Variants in SEMA3A observed in about 807,000 individuals in gnomAD.
SEMA3A encodes semaphorin-3A.
SEMA3A carries 29 observed loss-of-function variants against 97.9 expected under a neutral mutation model. The ratio of observed to expected loss-of-function variants is 0.30; its 90% CI spans 0.22 to 0.40. SEMA3A has a LOEUF of 0.40. Ranked by LOEUF, SEMA3A falls within the 10% of genes least tolerant of loss-of-function variation. The pLI, the probability that SEMA3A is intolerant of heterozygous loss-of-function variation, is 1.00. For synonymous variants in SEMA3A, 321 were observed against 323.7 expected (o/e 0.99, Z 0.09); for missense variants, 763 against 951.3 (o/e 0.80, Z 2.60).
chr7:84,060,516 G>C lies in SEMA3A; in HGVS notation c.496C>G (p.Arg166Gly). 1 of 1,594,414 alleles carries C rather than the reference G, an allele frequency of 6.3e-7. No homozygotes were observed. Among genetic ancestry groups the C allele is most frequent in the Non-Finnish European group, 8.5e-7 (1 of 1,172,546 alleles). Residue 166 changes from arginine (R) to glycine (G), a missense_variant, in exon 5 of 17, where the codon CGT becomes GGT. Transcript: ENST00000265362. ...TTAGGGTCATATGGACTCTTCCCAC[G>C]GCCGTTTTCAAAATGTGAGTTCTCC... ...KLENSHFENG[R>G]GKSPYDPKLL... is the part of the protein sequence containing the mutation.
intron 12 of SEMA3A, among the ~76,000 whole-genome samples, chr7:83,993,297 A>T (rs1554388151): frequency 7.3e-6 from 1 of 137,816 alleles, no homozygotes; most frequent in African/African-American, 2.8e-5. Flanking sequence ...TTTTAATTGG[A>T]GCATTTAGTC....
intron 2 of SEMA3A, among the ~76,000 whole-genome samples, chr7:84,339,227 C>T (rs998022817): frequency 2.0e-5 from 3 of 152,024 alleles, no homozygotes; most frequent in African/African-American, 7.2e-5. Flanking sequence ...ATGTATAATC[C>T]TAACAAAAGT....
rs11982684 is a variant in SEMA3A, at chr7:84,082,586, T to G, written c.454-22028A>C. ...TTATGATCATGTATAAAGACACTAT[T>G]CCTTACTTTAAAAAGAAAAGGTTAT... is the stretch of plus-strand genomic sequence containing the variant. On this transcript the variant is annotated intron_variant, in intron 4 of 16. Transcript: ENST00000265362. Among the ~76,000 whole-genome samples the G allele has an allele frequency of 7.7e-3, 1,171 of 152,198 alleles. 9 individuals carry two copies. The highest frequency in any genetic ancestry group is 0.024 in the Middle Eastern group (7 of 294).
chr7:84,338,166 CAT>C (rs138584244), intron 2 of SEMA3A, among the ~76,000 whole-genome samples: 2,741 of 148,810 alleles, frequency 0.018, 80 homozygotes, highest in East Asian at 0.12. Context: ...TATATACATG[CAT>C]ATATATATAT....
At chr7:84,241,314 G>A (rs1799358679) in intron 3 of SEMA3A, among the ~76,000 whole-genome samples, 2 of 152,154 alleles carry the variant, frequency 1.3e-5, no homozygotes, top group South Asian at 2.1e-4. Context: ...GCATGAGATA[G>A]TATCTCATTA....
At chr7:83,987,442 C>G (rs1789683419) in intron 12 of SEMA3A, among the ~76,000 whole-genome samples, 1 of 152,102 alleles carries the variant, frequency 6.6e-6, no homozygotes, top group South Asian at 2.1e-4. Context: ...GTGACTCTTG[C>G]TTGTCTTTTG....
At chr7:84,206,657 A>G (rs950178934) in intron 3 of SEMA3A, among the ~76,000 whole-genome samples, 2 of 152,066 alleles carry the variant, frequency 1.3e-5, no homozygotes, top group Non-Finnish European at 2.9e-5. Flanking sequence ...TAAAATTTAC[A>G]TTTATTGATT....
intron 3 of SEMA3A, among the ~76,000 whole-genome samples, chr7:84,214,619 T>C (rs1315401517): frequency 6.6e-6 from 1 of 151,684 alleles, no homozygotes; most frequent in Non-Finnish European, 1.5e-5. Flanking sequence ...ACATAAATAA[T>C]CAAAGGCCAA....
At chr7:84,324,606 A>G (rs1477337744) in intron 2 of SEMA3A, among the ~76,000 whole-genome samples, 1 of 152,134 alleles carries the variant, frequency 6.6e-6, no homozygotes, top group South Asian at 2.1e-4. Flanking sequence ...TTAAACTAGA[A>G]CTCTAGATAA....
chr7:84,197,917 T>A (rs1020667936), upstream of SEMA3A, among the ~76,000 whole-genome samples: 4 of 151,222 alleles, frequency 2.6e-5, no homozygotes, highest in Admixed American at 1.3e-4. Context: ...TTTTTTGTAT[T>A]TTAGTAGAGA....
At chr7:84,317,958 T>A (rs1028114516) in intron 2 of SEMA3A, among the ~76,000 whole-genome samples, 1 of 152,138 alleles carries the variant, frequency 6.6e-6, no homozygotes, top group Non-Finnish European at 1.5e-5. Context: ...ATAGCATGAA[T>A]AATAAAATAA....
intron 1 of SEMA3A, among the ~76,000 whole-genome samples, chr7:84,422,064 T>C (rs916760906): frequency 1.3e-5 from 2 of 152,084 alleles, no homozygotes; most frequent in African/African-American, 4.8e-5. Context: ...TTCTTTTTTA[T>C]TGATTGTAAT....
intron 1 of SEMA3A, among the ~76,000 whole-genome samples, chr7:84,151,040 G>C (rs1488517702): frequency 3.3e-5 from 5 of 150,010 alleles, no homozygotes; most frequent in Non-Finnish European, 7.4e-5. Flanking sequence ...CTTTCTGTTA[G>C]AAGGAAAACT....
Position 84,429,516 on chromosome 7 carries a change from T to TTTTATATATATATATATATATA in SEMA3A, c.-245-57617_-245-57616insTATATATATATATATATATAAA, listed in dbSNP as rs1554385260. Among the ~76,000 whole-genome samples the TTTTATATATATATATATATATA allele has an allele frequency of 6.4e-3, 466 of 72,320 alleles. 38 individuals are homozygous for TTTTATATATATATATATATATA. The highest frequency in any genetic ancestry group is 0.021 in the African/African-American group (296 of 14,082). The allele number at this position is 72,320 out of a possible 152,430, so 47.4% of individuals were successfully genotyped here. A position where few individuals can be genotyped will look rare whatever the true frequency, so the allele number is the denominator to read the frequency against. On this transcript the variant is annotated intron_variant, in intron 1 of 3. Transcript: ENST00000424555. Reference sequence around the variant, plus strand: ...TTGCATTAGTAAAATATAGAGTTTGTTATATATATATATATATATATATAT... The same window carrying TTTTATATATATATATATATATA: ...TTGCATTAGTAAAATATAGAGTTTGTTTTATATATATATATATATATATATATATATATATATATATATATAT...
chr7:84,180,563 T>C (rs13231195), intron 1 of SEMA3A, among the ~76,000 whole-genome samples: 20,659 of 151,720 alleles, frequency 0.14, 1,508 homozygotes, highest in East Asian at 0.28. Context: ...TGGCACACGC[T>C]AATAATCCCA....
chr7:84,432,861 T>TA (rs1805018085), intron 1 of SEMA3A, among the ~76,000 whole-genome samples: 2 of 79,992 alleles, frequency 2.5e-5, no homozygotes, highest in South Asian at 6.0e-4. Flanking sequence ...CAAATGTGAA[T>TA]TTTTTTTTTT....
chr7:84,263,261 CG>C (rs1391756264), intron 3 of SEMA3A, among the ~76,000 whole-genome samples: 36 of 152,004 alleles, frequency 2.4e-4, no homozygotes, highest in African/African-American at 7.3e-4. Flanking sequence ...GACAAAGAGC[CG>C]GCATGTGTAG....
At chr7:84,150,994 C>A (rs530459385) in intron 1 of SEMA3A, among the ~76,000 whole-genome samples, 26 of 147,574 alleles carry the variant, frequency 1.8e-4, no homozygotes, top group Non-Finnish European at 3.5e-4. Flanking sequence ...ACACCTCACA[C>A]TGCAGGGTAC....
At chr7:84,174,509 T>C (rs945877644) in intron 1 of SEMA3A, among the ~76,000 whole-genome samples, 2 of 152,212 alleles carry the variant, frequency 1.3e-5, no homozygotes, top group South Asian at 4.1e-4. Flanking sequence ...AATATAATGG[T>C]TTATATACTG....
Sources: gnomAD v4.1 joint callset for allele counts (sites outside exome capture counted in the v4.1 genomes callset) on GRCh38, gnomAD v4.1.1 for gene constraint, MANE v1.5 for transcripts, NCBI Gene and HGNC (gene_info 2026-07-23, HGNC 2026-07-21) for gene names.